The following DSCAM variants were observed in gnomAD, a reference collection of about 807,000 sequenced individuals.
The protein encoded by DSCAM is DS cell adhesion molecule, also known as cell adhesion molecule DSCAM.
DSCAM carries 47 observed loss-of-function variants against 217.7 expected under a neutral mutation model. The ratio of observed to expected loss-of-function variants is 0.22; its 90% CI spans 0.17 to 0.28. DSCAM has a LOEUF of 0.28. DSCAM is among the 10% of genes least tolerant of loss of function. DSCAM has a pLI of 1.00. For synonymous variants in DSCAM, 1,056 were observed against 1,015.3 expected (o/e 1.04, Z -0.76); for missense variants, 2,080 against 2,618.3 (o/e 0.79, Z 4.49).
intron 3 of DSCAM, among the ~76,000 whole-genome samples, chr21:40,405,600 A>G (rs1040434222): frequency 2.6e-5 from 4 of 152,232 alleles, no homozygotes; most frequent in African/African-American, 9.6e-5. Flanking sequence ...TGCAAATCAT[A>G]TATCTGATAA....
chr21:40,321,483 C>A (rs985258091), intron 8 of DSCAM, among the ~76,000 whole-genome samples: 1 of 152,182 alleles, frequency 6.6e-6, no homozygotes, highest in Admixed American at 6.5e-5. Flanking sequence ...TTGTGTCCAG[C>A]TGCTGAGAGT....
intron 1 of DSCAM, among the ~76,000 whole-genome samples, chr21:40,784,810 T>TGGA: frequency 6.6e-6 from 1 of 152,296 alleles, no homozygotes; most frequent in Admixed American, 6.5e-5. Flanking sequence ...CCGAACCTTC[T>TGGA]GCTGCTTTAA....
At chr21:40,299,913 A>G (rs915327364) in intron 9 of DSCAM, among the ~76,000 whole-genome samples, 3 of 152,194 alleles carry the variant, frequency 2.0e-5, no homozygotes, top group Non-Finnish European at 2.9e-5. Context: ...TAAAAGAATC[A>G]GGAGCCCCCA....
intron 16 of DSCAM, among the ~76,000 whole-genome samples, chr21:40,147,576 G>C (rs2090371982): frequency 6.6e-6 from 1 of 152,088 alleles, no homozygotes; most frequent in South Asian, 2.1e-4. Context: ...ATATTGTGTG[G>C]AATAATTATC....
At chr21:40,122,437 G>A (rs537603814) in intron 20 of DSCAM, among the ~76,000 whole-genome samples, 19 of 152,276 alleles carry the variant, frequency 1.2e-4, no homozygotes, top group African/African-American at 4.3e-4. Flanking sequence ...ATGAATGAGT[G>A]AATACTAATA....
intron 8 of DSCAM, among the ~76,000 whole-genome samples, chr21:40,318,510 G>T (rs564976202): frequency 6.6e-6 from 1 of 152,268 alleles, no homozygotes; most frequent in Non-Finnish European, 1.5e-5. Flanking sequence ...AGGGCCAGTT[G>T]GGGAGCTTGA....
chr21:40,370,023 G>A (rs2074878287), intron 3 of DSCAM, among the ~76,000 whole-genome samples: 1 of 152,090 alleles, frequency 6.6e-6, no homozygotes, highest in Admixed American at 6.5e-5. Context: ...ATTTTTACCG[G>A]TAAAGCTTCA....
At chr21:40,530,444 T>G (rs935741096) in intron 3 of DSCAM, among the ~76,000 whole-genome samples, 5 of 152,208 alleles carry the variant, frequency 3.3e-5, no homozygotes, top group African/African-American at 1.2e-4. Context: ...GGTGGTGTCT[T>G]GAACTGAGTT....
At chr21:40,596,083 C>T (rs1161228478) in intron 3 of DSCAM, among the ~76,000 whole-genome samples, 3 of 152,198 alleles carry the variant, frequency 2.0e-5, no homozygotes, top group Non-Finnish European at 4.4e-5. Flanking sequence ...CAGTGGTTTG[C>T]TGAGCCCATG....
chr21:40,392,359 T>C (rs906061104), intron 3 of DSCAM, among the ~76,000 whole-genome samples: 3 of 152,118 alleles, frequency 2.0e-5, no homozygotes, highest in Non-Finnish European at 4.4e-5. Context: ...AAGCCTCAAA[T>C]AGTCAGATCA....
At position 40,657,688 on chromosome 21, in the gene DSCAM, C is replaced by A. The variant is rs369270953; in HGVS notation, c.508+35122G>T. On this transcript the variant is annotated intron_variant, in intron 3 of 32. Coordinates refer to ENST00000400454, the MANE Select transcript of DSCAM (RefSeq NM_001389.5). ...GCGGCAATCTGATCAGGGAGTACCC[C>A]GCAGGAGTACCCATGCTGAAATGAT... Among the ~76,000 whole-genome samples, 10 of 152,216 alleles carry A rather than the reference C, an allele frequency of 6.6e-5. 1 individual carries two copies. The highest frequency in any genetic ancestry group is 1.9e-4 in the East Asian group (1 of 5,168).
At chr21:40,085,220 C>T (rs1410567592) in intron 23 of DSCAM, among the ~76,000 whole-genome samples, 3 of 152,188 alleles carry the variant, frequency 2.0e-5, no homozygotes, top group Admixed American at 6.5e-5. Context: ...AATTAGCATA[C>T]AAAAAAGACC....
At chr21:40,257,972 G>T (rs2073397433) in intron 11 of DSCAM, among the ~76,000 whole-genome samples, 1 of 152,134 alleles carries the variant, frequency 6.6e-6, no homozygotes, top group Non-Finnish European at 1.5e-5. Context: ...AAGCAAAAGT[G>T]CTCTTTTCTC....
chr21:40,245,826 C>T (rs189978355), intron 11 of DSCAM, among the ~76,000 whole-genome samples: 96 of 152,184 alleles, frequency 6.3e-4, no homozygotes, highest in Non-Finnish European at 1.1e-3. Context: ...GGAGGAGGAA[C>T]GGGGATGGTA....
chr21:40,471,418 T>C (rs912924580), intron 3 of DSCAM, among the ~76,000 whole-genome samples: 4 of 152,188 alleles, frequency 2.6e-5, no homozygotes, highest in African/African-American at 9.7e-5. Flanking sequence ...TTCTAGATCT[T>C]AGGTGCAGCA....
intron 1 of DSCAM, among the ~76,000 whole-genome samples, chr21:40,712,209 T>C (rs918014703): frequency 2.6e-5 from 4 of 152,178 alleles, no homozygotes; most frequent in Admixed American, 6.5e-5. Context: ...TGGGAACCCA[T>C]TGAATCTGGA....
intron 3 of DSCAM, among the ~76,000 whole-genome samples, chr21:40,653,556 A>G (rs1024806915): frequency 6.6e-6 from 1 of 152,164 alleles, no homozygotes; most frequent in Non-Finnish European, 1.5e-5. Flanking sequence ...AATTGGTATC[A>G]GTGATGGAAA....
intron 3 of DSCAM, among the ~76,000 whole-genome samples, chr21:40,396,854 C>T (rs2075183182): frequency 6.6e-6 from 1 of 152,132 alleles, no homozygotes; most frequent in Non-Finnish European, 1.5e-5. Flanking sequence ...GACAAAATTA[C>T]ATTTGTCTTA....
chr21:40,636,107 A>T (rs1200578626), intron 3 of DSCAM, among the ~76,000 whole-genome samples: 1 of 152,190 alleles, frequency 6.6e-6, no homozygotes, highest in African/African-American at 2.4e-5. Context: ...GCAAATGCTC[A>T]TTTCATTTTC....
Sources: allele counts gnomAD v4.1 joint callset (sites outside exome capture counted in the v4.1 genomes callset), GRCh38; gene constraint gnomAD v4.1.1; transcripts MANE v1.5; gene names NCBI Gene and HGNC (gene_info 2026-07-23, HGNC 2026-07-21).